The following FIG4 variants were observed in gnomAD, a reference collection of about 807,000 sequenced individuals.
The protein encoded by FIG4 is polyphosphoinositide phosphatase.
A neutral mutation model predicts 118.6 loss-of-function variants in FIG4; 112 were observed. The observed-to-expected ratio is 0.94, with a 90% CI of 0.81 to 1.11. The LOEUF (loss-of-function observed/expected upper bound fraction) is 1.11. Among genes scored for constraint, FIG4 ranks in the 50% least tolerant of loss-of-function variants. The pLI is 0.00. For synonymous variants in FIG4, 369 were observed against 381.2 expected (o/e 0.97, Z 0.37); for missense variants, 969 against 1,111.7 (o/e 0.87, Z 1.83).
chr6:109,803,644 G>A (rs959744592), intron 22 of FIG4, among the ~76,000 whole-genome samples: 6 of 151,666 alleles, frequency 4.0e-5, no homozygotes, highest in Non-Finnish European at 7.4e-5. Flanking sequence ...TATACTTTAA[G>A]TTCTAGGGTA....
chr6:109,802,481 G>A (rs1250073577), intron 22 of FIG4, among the ~76,000 whole-genome samples: 5 of 152,178 alleles, frequency 3.3e-5, no homozygotes, highest in Non-Finnish European at 7.3e-5. Flanking sequence ...ATGACCACAA[G>A]GCACATATTA....
chr6:109,805,835 C>G (rs186709583), intron 22 of FIG4, among the ~76,000 whole-genome samples: 8 of 151,892 alleles, frequency 5.3e-5, no homozygotes, highest in Non-Finnish European at 7.4e-5. Context: ...ATATAAATAA[C>G]TAAATTGGTA....
chr6:109,816,524 C>T (rs978014410), intron 22 of FIG4, among the ~76,000 whole-genome samples: 8 of 152,160 alleles, frequency 5.3e-5, no homozygotes, highest in African/African-American at 1.9e-4. Flanking sequence ...GTATCACTAT[C>T]AGGTCATGAA....
Position 109,799,442 on chromosome 6 carries a change from A to G in FIG4, c.2546+2591A>G, listed in dbSNP as rs190254618. ...TAGTCAGGTTCTTAAAATGTCGACTATTCATTTTTAGATTTCTAAAGCTAT... is the reference window on the plus strand; with the variant it reads ...TAGTCAGGTTCTTAAAATGTCGACTGTTCATTTTTAGATTTCTAAAGCTAT... On this transcript the variant is annotated intron_variant, in intron 22 of 22. Coordinates refer to ENST00000230124, the MANE Select transcript of FIG4 (RefSeq NM_014845.6). Among the ~76,000 whole-genome samples the G allele has an allele frequency of 1.5e-3, 224 of 152,320 alleles. 1 individual carries two copies. Among genetic ancestry groups the G allele is most frequent in the African/African-American group, 5.1e-3 (211 of 41,568 alleles).
chr6:109,709,530 C>T (rs1010263565), intron 1 of FIG4, among the ~76,000 whole-genome samples: 8 of 152,042 alleles, frequency 5.3e-5, no homozygotes, highest in African/African-American at 1.7e-4. Context: ...GGAATAGCAT[C>T]GAATCTGTAA....
intron 10 of FIG4, among the ~76,000 whole-genome samples, chr6:109,755,329 C>T (rs1776852689): frequency 6.6e-6 from 1 of 152,150 alleles, no homozygotes; most frequent in South Asian, 2.1e-4. Context: ...TGTTCTTTTA[C>T]ATTTGCTGAG....
intron 10 of FIG4, among the ~76,000 whole-genome samples, chr6:109,744,889 G>GT (rs1776439584): frequency 6.6e-6 from 1 of 151,316 alleles, no homozygotes; most frequent in African/African-American, 2.4e-5. Context: ...GAACATGGCA[G>GT]TTTTTGATTT....
chr6:109,695,944 T>C (rs935047093), intron 1 of FIG4, among the ~76,000 whole-genome samples: 5 of 152,230 alleles, frequency 3.3e-5, no homozygotes, highest in African/African-American at 1.2e-4. Flanking sequence ...TGTTGGCTCT[T>C]ATTTCTGCTG....
At chr6:109,715,278 A>T in intron 2 of FIG4, 102 bp downstream of exon 2, 1 of 664,164 alleles carries the variant, frequency 1.5e-6, no homozygotes, top group Non-Finnish European at 2.7e-6. Flanking sequence ...TTTTTATCAT[A>T]AATCTAAAAG....
At chr6:109,818,410 C>T (rs1023975968) in intron 22 of FIG4, among the ~76,000 whole-genome samples, 3 of 151,910 alleles carry the variant, frequency 2.0e-5, no homozygotes, top group South Asian at 4.2e-4. Flanking sequence ...ATGTTGGTCA[C>T]GCTGGTCTCG....
intron 1 of FIG4, among the ~76,000 whole-genome samples, chr6:109,714,710 G>A (rs568048364): frequency 1.8e-4 from 27 of 152,212 alleles, no homozygotes; most frequent in African/African-American, 2.6e-4. Context: ...TTGCCTAAGC[G>A]TTCCTAATTA....
At chr6:109,788,197 A>G (rs1242426855) in intron 18 of FIG4, among the ~76,000 whole-genome samples, 1 of 152,162 alleles carries the variant, frequency 6.6e-6, no homozygotes, top group African/African-American at 2.4e-5. Context: ...TGTAACCCCC[A>G]TTCTAAGTTG....
intron 22 of FIG4, among the ~76,000 whole-genome samples, chr6:109,799,957 G>A (rs922205481): frequency 2.0e-5 from 3 of 152,168 alleles, no homozygotes; most frequent in Non-Finnish European, 2.9e-5. Flanking sequence ...AAGGGCATCA[G>A]CCAACATTGA....
chr6:109,790,522 C>T (rs750478488), intron 19 of FIG4, among the ~76,000 whole-genome samples: 4 of 152,164 alleles, frequency 2.6e-5, no homozygotes, highest in Non-Finnish European at 5.9e-5. Context: ...GTCACAGAAA[C>T]GTTACCAACT....
chr6:109,764,067 C>T (rs1777198654), intron 13 of FIG4, 85 bp downstream of exon 13: 1 of 861,020 alleles, frequency 1.2e-6, no homozygotes, highest in Admixed American at 1.9e-5. Flanking sequence ...ATGGAAAGAC[C>T]TGTATCTTAT....
chr6:109,745,995 C>G (rs2128387500), intron 10 of FIG4, among the ~76,000 whole-genome samples: 1 of 152,216 alleles, frequency 6.6e-6, no homozygotes, highest in African/African-American at 2.4e-5. Flanking sequence ...TACCTGACTT[C>G]AAACTATACT....
chr6:109,735,437 GAA>G, intron 6 of FIG4, 139 bp downstream of exon 6: 1 of 773,148 alleles, frequency 1.3e-6, no homozygotes, highest in East Asian at 2.6e-5. Flanking sequence ...TTGGATATGT[GAA>G]GTTGATCAAT....
chr6:109,819,215 AAGG>A (rs1179576782), intron 22 of FIG4, among the ~76,000 whole-genome samples: 1 of 152,184 alleles, frequency 6.6e-6, no homozygotes, highest in African/African-American at 2.4e-5. Context: ...CTCATTCAGA[AAGG>A]AGGAGTATGG....
At chr6:109,716,693 A>G (rs1775441190) in intron 3 of FIG4, 125 bp downstream of exon 3, 4 of 1,164,008 alleles carry the variant, frequency 3.4e-6, no homozygotes, top group Non-Finnish European at 5.0e-6. Flanking sequence ...AGCTTTGGTT[A>G]TTTAAAACTT....
Sources: gnomAD v4.1 joint callset for allele counts (sites outside exome capture counted in the v4.1 genomes callset) on GRCh38, gnomAD v4.1.1 for gene constraint, MANE v1.5 for transcripts, NCBI Gene and HGNC (gene_info 2026-07-23, HGNC 2026-07-21) for gene names.